Variants in NAGA observed in about 807,000 individuals in gnomAD.
NAGA encodes alpha-N-acetylgalactosaminidase, also known as Acetylgalactosaminidase, alpha-N- (alpha-galactosidase B).
NAGA carries 42 observed loss-of-function variants against 45.6 expected under a neutral mutation model. That is an observed-to-expected ratio of 0.92 (90% CI 0.72 to 1.19). The LOEUF (loss-of-function observed/expected upper bound fraction) is 1.19, where lower values mean the gene tolerates loss of function less well. NAGA is among the 50% of genes most tolerant of loss of function. NAGA has a pLI of 0.00. For missense variants in NAGA, 493 were observed against 544.8 expected (o/e 0.90, Z 0.95); for synonymous variants, 176 against 203.1 (o/e 0.87, Z 1.13).
Position 42,067,096 on chromosome 22 carries a change from C to T in NAGA, c.502+17G>A, listed in dbSNP as rs369609933. ...CTCCCCGTTTGCCTACGTGCCCCAG[C>T]CAGCTGCGTAACTCACCCTGGGCCC... On this transcript the variant is annotated intron_variant, in intron 4 of 8. Coordinates refer to ENST00000396398, the MANE Select transcript of NAGA (RefSeq NM_000262.3). The T allele has an allele frequency of 3.1e-6, 5 of 1,613,124 alleles. No individual in the cohort carries two copies. In the South Asian group the frequency reaches 4.4e-5, roughly 14 times the overall value.
Position 42,063,169 on chromosome 22 carries a change from C to A in NAGA, c.760-145G>T, listed in dbSNP as rs546768976. The A allele has an allele frequency of 1.1e-4, 89 of 814,718 alleles. No homozygotes were observed. The African/African-American group carries it at 1.4e-3, about 13-fold the overall frequency. The allele number at this position is 814,718 out of a possible 1,614,324, so 50.5% of individuals were successfully genotyped here. On this transcript the variant is annotated intron_variant, in intron 6 of 8. Coordinates refer to ENST00000396398, the MANE Select transcript of NAGA (RefSeq NM_000262.3). Reference sequence around the variant, plus strand: ...TGGAGGAGGCCTGGTTCAGCAAACACCATTCCCTAGCCCTGTGGCCTTGGG... The same window carrying A: ...TGGAGGAGGCCTGGTTCAGCAAACAACATTCCCTAGCCCTGTGGCCTTGGG...
At position 42,058,682 on chromosome 22, in the gene NAGA, A is replaced by C. The variant is rs1488478327; in HGVS notation, c.*1597T>G. ...TCTTGGGCTGAAAGGTAAGGGAATT[A>C]ATTGGTCAAGTCCAGGCTCAACTCT... On this transcript the variant is annotated 3_prime_UTR_variant, in exon 9 of 9. Transcript: ENST00000396398. 1 of 152,266 alleles carries C rather than the reference A, an allele frequency of 6.6e-6. No individual in the cohort carries two copies. The highest frequency in any genetic ancestry group is 2.4e-5 in the African/African-American group (1 of 41,454). The allele number at this position is 152,266 out of a possible 1,614,324, so 9.4% of individuals were successfully genotyped here.
chr22:42,070,080 G>C (rs1569459100), intron 1 of NAGA, among the ~76,000 whole-genome samples: 1 of 152,262 alleles, frequency 6.6e-6, no homozygotes, highest in Non-Finnish European at 1.5e-5. Flanking sequence ...TGTGCTTGAG[G>C]GAGAGGAAGT....
chr22:42,066,023 C>A (rs1297367406), intron 5 of NAGA, 124 bp from the exon 6 acceptor site: 1 of 1,277,562 alleles, frequency 7.8e-7, no homozygotes, highest in Non-Finnish European at 1.1e-6. Flanking sequence ...AGAGAACAGG[C>A]CCCACCGGCT....
intron 6 of NAGA, among the ~76,000 whole-genome samples, chr22:42,063,549 C>T (rs1320575550): frequency 6.6e-6 from 1 of 152,176 alleles, no homozygotes; most frequent in Non-Finnish European, 1.5e-5. Context: ...CTGCAAATTC[C>T]AGATACTGTA....
Position 42,068,511 on chromosome 22 carries a change from G to A in NAGA, c.80C>T (p.Pro27Leu), listed in dbSNP as rs933585928. ...MLDNGLLQTPPMGWLAWERFR... is the reference protein window; with the variant it reads ...MLDNGLLQTPLMGWLAWERFR... ...GCGTTCCCAGGCCAGCCAGCCCATGGGTGGTGTCTGCAGGAGCCCATTGTC... is the reference window on the plus strand; with the variant it reads ...GCGTTCCCAGGCCAGCCAGCCCATGAGTGGTGTCTGCAGGAGCCCATTGTC... Residue 27 changes from proline to leucine, a missense_variant, in exon 2 of 9, where the codon CCC becomes CTC. Physicochemically the swap from Pro to Leu is moderately conservative, Grantham distance 98 (BLOSUM62 -3). Transcript: ENST00000396398. The A allele has an allele frequency of 6.2e-7, 1 of 1,614,150 alleles. No homozygotes were observed. The highest frequency in any genetic ancestry group is 8.5e-7 in the Non-Finnish European group (1 of 1,180,028).
At chr22:42,063,115 AT>A in intron 6 of NAGA, 91 bp from the exon 7 acceptor site, 1 of 1,246,064 alleles carries the variant, frequency 8.0e-7, no homozygotes, top group Non-Finnish European at 1.1e-6. Context: ...AGGAAGAGCA[AT>A]TAGGGATTAG....
At chr22:42,068,823 G>A (rs1926895499) in intron 1 of NAGA, among the ~76,000 whole-genome samples, 1 of 152,170 alleles carries the variant, frequency 6.6e-6, no homozygotes, top group South Asian at 2.1e-4. Context: ...CAGCATTGCT[G>A]GAATTAGCAA....
At position 42,068,477 on chromosome 22, in the gene NAGA, G is replaced by T. The variant is rs1926873341; in HGVS notation, c.114C>A (p.Cys38Ter). 1 of 1,614,178 alleles carries T rather than the reference G, an allele frequency of 6.2e-7. No homozygotes were observed. Among genetic ancestry groups the T allele is most frequent in the East Asian group, 2.2e-5 (1 of 44,886 alleles). Residue 38 changes from cysteine to a stop codon, truncating the protein, a stop_gained, in exon 2 of 9, where the codon TGC becomes TGA. Coordinates refer to ENST00000396398, the MANE Select transcript of NAGA (RefSeq NM_000262.3). LOFTEE classifies it high-confidence loss of function. ...MGWLAWERFRCNINCDEDPKN... is the reference protein window; with the variant it reads ...MGWLAWERFR Reference sequence around the variant, plus strand: ...TTGGGTCCTCATCACAGTTAATGTTGCAGCGGAAGCGTTCCCAGGCCAGCC... The same window carrying T: ...TTGGGTCCTCATCACAGTTAATGTTTCAGCGGAAGCGTTCCCAGGCCAGCC...
chr22:42,065,861 C>T lies in NAGA; in HGVS notation c.636G>A (p.Trp212Ter), dbSNP rs1481999261. Residue 212 changes from tryptophan (W) to a stop codon, truncating the protein, a stop_gained, in exon 6 of 9, where the codon TGG (tryptophan) becomes TGA (stop). Coordinates refer to ENST00000396398, the MANE Select transcript of NAGA (RefSeq NM_000262.3). LOFTEE classifies it high-confidence loss of function. ...YSLLADICNL[W>*]RNYDDIQDSW... Reference sequence around the variant, plus strand: ...AGTCCTGGATGTCATCATAGTTACGCCAGAGGTTGCAGATGTCCGCCAGCA... The same window carrying T: ...AGTCCTGGATGTCATCATAGTTACGTCAGAGGTTGCAGATGTCCGCCAGCA... 6.2e-7 allele frequency: 1 copy of T among 1,614,166 alleles called. No individual in the cohort carries two copies. The highest frequency in any genetic ancestry group is 1.1e-5 in the South Asian group (1 of 91,080).
At position 42,060,243 on chromosome 22, in the gene NAGA, G is replaced by A. The variant is rs780556805; in HGVS notation, c.*36C>T. ...GCCAAGGCTCCATGGTCTAGGCTCA[G>A]TGGTGCCACCACAGCCTGTCACATG... On this transcript the variant is annotated 3_prime_UTR_variant, in exon 9 of 9. Transcript: ENST00000396398. 1.6e-5 allele frequency: 25 copies of A among 1,611,412 alleles called. No individual in the cohort carries two copies. The highest frequency in any genetic ancestry group is 1.4e-5 in the Non-Finnish European group (16 of 1,179,908).
In NAGA at chr22:42,065,753, C is replaced by T; in HGVS notation, c.744G>A (p.Trp248Ter). 1 of 1,614,074 alleles carries T rather than the reference C, an allele frequency of 6.2e-7. No homozygotes were observed. The highest frequency in any genetic ancestry group is 8.5e-7 in the Non-Finnish European group (1 of 1,180,038). The change falls in exon 6 of 9, where the codon TGG becomes TGA. Residue 248 changes from tryptophan to a stop codon, truncating the protein, a stop_gained. Transcript: ENST00000396398. LOFTEE classifies it high-confidence loss of function. The stretch of plus-strand genomic sequence containing the variant: ...ATCCTGGTACCATGTCAGGGTCATT[C>T]CAGTGCCCAGGGCCGGCCACTGGCT... ...ILQPVAGPGH[W>*]NDPDMLLIGN...
intron 6 of NAGA, among the ~76,000 whole-genome samples, chr22:42,065,053 C>T (rs1926644725): frequency 1.3e-5 from 2 of 152,198 alleles, no homozygotes; most frequent in African/African-American, 4.8e-5. Flanking sequence ...ATTGACAAAA[C>T]TGAGGCACAG....
chr22:42,067,790 T>G lies in NAGA; in HGVS notation c.299A>C (p.His100Pro), dbSNP rs762365048. ...RLMPDPKRFP[H>P]GIPFLADYVH... Reference sequence around the variant, plus strand: ...GTAGTCAGCCAGGAAAGGAATGCCATGAGGGAAGCGCTTGGGATCCGGCAT... The same window carrying G: ...GTAGTCAGCCAGGAAAGGAATGCCAGGAGGGAAGCGCTTGGGATCCGGCAT... Residue 100 changes from histidine (H) to proline (P), a missense_variant, in exon 3 of 9, where the codon CAT becomes CCT. Coordinates refer to ENST00000396398, the MANE Select transcript of NAGA (RefSeq NM_000262.3). The G allele has an allele frequency of 1.9e-6, 3 of 1,612,374 alleles. No homozygotes were observed. The highest frequency in any genetic ancestry group is 2.5e-6 in the Non-Finnish European group (3 of 1,179,886).
At chr22:42,068,089 C>T (rs867347510) in intron 2 of NAGA, among the ~76,000 whole-genome samples, 153 bp from the exon 3 acceptor site, 6 of 152,142 alleles carry the variant, frequency 3.9e-5, no homozygotes, top group Non-Finnish European at 5.9e-5. Context: ...AGAGATTGTG[C>T]GATGAGCCAT....
intron 6 of NAGA, 49 bp downstream of exon 6, chr22:42,065,688 AG>A: frequency 2.5e-6 from 4 of 1,610,264 alleles, no homozygotes; most frequent in Non-Finnish European, 3.4e-6. Context: ...AGTGGGGAGC[AG>A]GGTCGTCACA....
Position 42,068,594 on chromosome 22 carries a change from G to A in NAGA, c.17-20C>T, listed in dbSNP as rs777484076. The A allele has an allele frequency of 1.9e-6, 3 of 1,613,672 alleles. No homozygotes were observed. The South Asian group carries it at 3.3e-5, about 18-fold the overall frequency. ...AGAGCACTAGGGGGCAAGGGAGGAG[G>A]GGATGGTGACTATCAGTTGCCCCCA... On this transcript the variant is annotated intron_variant, in intron 1 of 8. Transcript: ENST00000396398.
In NAGA at chr22:42,066,800, G is replaced by A. The variant is rs1926761323; in HGVS notation, c.507C>T (p.Tyr169=). The stretch of plus-strand genomic sequence containing the variant: ...CATTCAGGGCAGCAGCCATCTTGGG[G>A]TACCCTAGAGAAAGCCCAACCTGTT... ...FSTPEERAQG[Y]PKMAAALNAT... Residue 169 remains tyrosine (Y), a synonymous_variant, in exon 5 of 9, where the codon TAC becomes TAT. Transcript: ENST00000396398. The A allele has an allele frequency of 1.2e-6, 2 of 1,603,758 alleles. No individual in the cohort carries two copies. Among genetic ancestry groups the A allele is most frequent in the East Asian group, 2.2e-5 (1 of 44,464 alleles).
In NAGA at chr22:42,067,130, G is replaced by T. The variant is rs767902974; in HGVS notation, c.485C>A (p.Pro162His). The T allele has an allele frequency of 3.2e-5, 52 of 1,613,932 alleles. No individual in the cohort carries two copies. Among genetic ancestry groups the T allele is most frequent in the East Asian group, 6.7e-5 (3 of 44,884 alleles). ...MLKLDGCFST[P>H]EERAQGYPKM... is the part of the protein sequence containing the mutation. Reference sequence around the variant, plus strand: ...TAACTCACCCTGGGCCCGCTCCTCGGGGGTGGAGAAGCAGCCATCCAGCTT... The same window carrying T: ...TAACTCACCCTGGGCCCGCTCCTCGTGGGTGGAGAAGCAGCCATCCAGCTT... Residue 162 changes from proline to histidine, a missense_variant, in exon 4 of 9, where the codon CCC becomes CAC. Coordinates refer to ENST00000396398, the MANE Select transcript of NAGA (RefSeq NM_000262.3).
Sources: allele counts gnomAD v4.1 joint callset (sites outside exome capture counted in the v4.1 genomes callset), GRCh38; gene constraint gnomAD v4.1.1; transcripts MANE v1.5; gene names NCBI Gene and HGNC (gene_info 2026-07-23, HGNC 2026-07-21).